MALRD1: variants seen among roughly 807,000 people sequenced by gnomAD.
The protein encoded by MALRD1 is MAM and LDL-receptor class A domain-containing protein 1.
MALRD1 carries 247 observed loss-of-function variants against 242.1 expected under a neutral mutation model. The ratio of observed to expected loss-of-function variants is 1.02; its 90% CI spans 0.92 to 1.13. MALRD1 has a LOEUF of 1.13. MALRD1 is among the 50% of genes most tolerant of loss of function. MALRD1 has a pLI of 0.00. For synonymous variants in MALRD1, 995 were observed against 866.6 expected, an observed-to-expected ratio of 1.15 and a Z score of -2.60; for missense variants, 2,989 against 2,533.1, an observed-to-expected ratio of 1.18 and a Z score of -3.86.
At chr10:19,215,960 A>C (rs1837295065) in intron 18 of MALRD1, among the ~76,000 whole-genome samples, 1 of 151,778 alleles carries the variant, frequency 6.6e-6, no homozygotes, top group Non-Finnish European at 1.5e-5. Context: ...TCATGTATCC[A>C]CAGGTAGAGT....
At chr10:19,143,939 C>T (rs1486041431) in intron 10 of MALRD1, among the ~76,000 whole-genome samples, 2 of 152,124 alleles carry the variant, frequency 1.3e-5, no homozygotes, top group East Asian at 3.9e-4. Context: ...AAACAGAAGA[C>T]ACTCTCCCCT....
intron 18 of MALRD1, among the ~76,000 whole-genome samples, chr10:19,211,813 C>T (rs1837085229): frequency 6.6e-6 from 1 of 150,556 alleles, no homozygotes; most frequent in East Asian, 1.9e-4. Context: ...TGAGAAACAG[C>T]AGCAATAACA....
At chr10:19,621,978 A>C (rs1839422311) in intron 36 of MALRD1, among the ~76,000 whole-genome samples, 1 of 151,854 alleles carries the variant, frequency 6.6e-6, no homozygotes, top group Non-Finnish European at 1.5e-5. Context: ...ATATTTTAAA[A>C]AGAGGCACTA....
chr10:19,213,321 C>CT (rs1171243662), intron 18 of MALRD1, among the ~76,000 whole-genome samples: 2 of 152,106 alleles, frequency 1.3e-5, no homozygotes, highest in African/African-American at 2.4e-5. Flanking sequence ...AGGTGTCTAT[C>CT]TTTTCTTCTT....
rs116332795 is a variant in MALRD1 at position 19,118,337 on chromosome 10, G to A, written c.695-5155G>A. ...GAGAACAGGTGCCCAAGGTGGTTGGGCTACAAGTTGGTTTTACACAATTTG... is the reference window on the plus strand; with the variant it reads ...GAGAACAGGTGCCCAAGGTGGTTGGACTACAAGTTGGTTTTACACAATTTG... On this transcript the variant is annotated intron_variant, in intron 5 of 39. Coordinates refer to ENST00000454679, the MANE Select transcript of MALRD1 (RefSeq NM_001142308.3). 9.2e-5 allele frequency among the ~76,000 whole-genome samples: 14 copies of A among 152,278 alleles called. No homozygotes were observed. In the East Asian group the frequency reaches 2.7e-3, roughly 29 times the overall value.
chr10:19,399,951 A>G (rs1268061131), intron 28 of MALRD1, among the ~76,000 whole-genome samples: 2 of 152,186 alleles, frequency 1.3e-5, no homozygotes, highest in Non-Finnish European at 2.9e-5. Flanking sequence ...TTTGGGATAT[A>G]CTATGCCCAA....
At chr10:19,532,779 A>G (rs548356232) in intron 32 of MALRD1, among the ~76,000 whole-genome samples, 19 of 152,312 alleles carry the variant, frequency 1.2e-4, no homozygotes, top group Middle Eastern at 3.4e-3. Flanking sequence ...CCAGTAAAAC[A>G]ACAGAGAAAG....
chr10:19,390,002 G>A (rs747732089), intron 28 of MALRD1, among the ~76,000 whole-genome samples: 3 of 152,072 alleles, frequency 2.0e-5, no homozygotes, highest in Admixed American at 6.6e-5. Context: ...AGTTGACTTG[G>A]CTAGAGAAGG....
In MALRD1 at chr10:19,331,502, A is replaced by G; in HGVS notation, c.3821A>G (p.Lys1274Arg). 1 of 1,550,404 alleles carries G rather than the reference A, an allele frequency of 6.4e-7. No homozygotes were observed. The highest frequency in any genetic ancestry group is 8.7e-7 in the Non-Finnish European group (1 of 1,146,830). Residue 1274 changes from lysine to arginine, a missense_variant, in exon 24 of 40, where the codon AAG becomes AGG. Physicochemically the swap from Lys to Arg is conservative, Grantham distance 26 (BLOSUM62 2). Transcript: ENST00000454679. ...GATCATGAATTCATGTGTGCTAATA[A>G]GCACTGCATTGCCAAAGACAAGCTG... is the stretch of plus-strand genomic sequence containing the variant. ...CTDHEFMCAN[K>R]HCIAKDKLCD...
intron 39 of MALRD1, among the ~76,000 whole-genome samples, chr10:19,732,679 C>G (rs546341734): frequency 6.6e-6 from 1 of 152,172 alleles, no homozygotes; most frequent in South Asian, 2.1e-4. Context: ...GTATTAGTGC[C>G]TCATAAACTT....
At chr10:19,528,443 A>G (rs982486633) in intron 31 of MALRD1, among the ~76,000 whole-genome samples, 1 of 152,104 alleles carries the variant, frequency 6.6e-6, no homozygotes. Flanking sequence ...AAATACAAAA[A>G]TTAGCTGGGC....
In MALRD1 at chr10:19,351,977, G is replaced by A. The variant is rs201076655; in HGVS notation, c.4150-29G>A. 1.7e-4 allele frequency: 255 copies of A among 1,468,606 alleles called. 1 individual carries two copies. Among genetic ancestry groups the A allele is most frequent in the Non-Finnish European group, 2.1e-4 (222 of 1,077,494 alleles). 91.0% of individuals were successfully genotyped at this position (1,468,606 alleles called of 1,614,324 possible). On this transcript the variant is annotated intron_variant, in intron 25 of 39. Coordinates refer to ENST00000454679, the MANE Select transcript of MALRD1 (RefSeq NM_001142308.3). ...TCATATTAATTATACTAATCATATC[G>A]TATGTAATATTCCTATTCTTGATTA...
intron 14 of MALRD1, among the ~76,000 whole-genome samples, chr10:19,182,937 C>A (rs936581098): frequency 1.3e-5 from 2 of 152,076 alleles, no homozygotes; most frequent in African/African-American, 4.8e-5. Context: ...ATTTTATAAT[C>A]TGAAATGTAT....
chr10:19,687,118 G>A (rs11011079), intron 36 of MALRD1, among the ~76,000 whole-genome samples: 7,191 of 151,680 alleles, frequency 0.047, 235 homozygotes, highest in South Asian at 0.067. Flanking sequence ...TAATTACATC[G>A]TATCTAACAT....
intron 10 of MALRD1, among the ~76,000 whole-genome samples, chr10:19,141,358 C>T (rs7084827): frequency 0.26 from 40,075 of 151,762 alleles, 5,497 homozygotes; most frequent in Admixed American, 0.33. Context: ...GATAGTAAAA[C>T]GGTGGTTCCC....
rs546732372 is a variant in MALRD1 at position 19,414,359 on chromosome 10, A to C, written c.4845+24750A>C. Among the ~76,000 whole-genome samples the C allele has an allele frequency of 1.9e-4, 29 of 152,280 alleles. No homozygotes were observed. The South Asian group carries it at 6.0e-3, about 32-fold the overall frequency. ...CTATGTGATAAATTTTAAAAAATATATTGTTAAGTAAGTGGTTTGTGACTC... is the reference window on the plus strand; with the variant it reads ...CTATGTGATAAATTTTAAAAAATATCTTGTTAAGTAAGTGGTTTGTGACTC... On this transcript the variant is annotated intron_variant, in intron 28 of 39. Transcript: ENST00000454679.
chr10:19,511,617 A>G (rs1833402972), intron 31 of MALRD1, among the ~76,000 whole-genome samples: 1 of 152,204 alleles, frequency 6.6e-6, no homozygotes, highest in South Asian at 2.1e-4. Context: ...ATGTGAATCT[A>G]AAAGTCTAAC....
At chr10:19,069,172 T>G (rs1835066317) in intron 2 of MALRD1, among the ~76,000 whole-genome samples, 1 of 152,064 alleles carries the variant, frequency 6.6e-6, no homozygotes, top group African/African-American at 2.4e-5. Context: ...ACAATTTATT[T>G]GAAAAATATT....
intron 9 of MALRD1, 21 bp downstream of exon 9, chr10:19,133,969 G>T (rs1833221354): frequency 9.2e-7 from 1 of 1,082,254 alleles, no homozygotes; most frequent in Admixed American, 4.3e-5. Context: ...AAAAAAAAAA[G>T]TATTTTTTTA....
Sources: gnomAD v4.1 joint callset for allele counts (sites outside exome capture counted in the v4.1 genomes callset) on GRCh38, gnomAD v4.1.1 for gene constraint, MANE v1.5 for transcripts, NCBI Gene and HGNC (gene_info 2026-07-23, HGNC 2026-07-21) for gene names.